The following CSMD1 variants were observed in gnomAD, a reference collection of about 807,000 sequenced individuals.
The protein encoded by CSMD1 is CUB and Sushi multiple domains 1.
CSMD1 carries 213 observed loss-of-function variants against 417.5 expected under a neutral mutation model. The ratio of observed to expected loss-of-function variants is 0.51; its 90% CI spans 0.46 to 0.57. The LOEUF (loss-of-function observed/expected upper bound fraction) is 0.57. Among genes scored for constraint, CSMD1 ranks in the 20% least tolerant of loss-of-function variants. CSMD1 has a pLI of 0.00. For missense variants in CSMD1, 6,923 were observed against 4,529.7 expected (o/e 1.53, Z -15.17); for synonymous variants, 2,862 against 1,736.8 (o/e 1.65, Z -16.11).
At chr8:4,366,473 TC>T (rs1802079385) in intron 3 of CSMD1, among the ~76,000 whole-genome samples, 1 of 152,204 alleles carries the variant, frequency 6.6e-6, no homozygotes, top group African/African-American at 2.4e-5. Context: ...TAAATAGTAG[TC>T]CTGTTTTAAG....
rs576135564 is a variant in CSMD1 at position 4,082,667 on chromosome 8, GGTTA to G, written c.416-50572_416-50569del. Among the ~76,000 whole-genome samples the G allele has an allele frequency of 3.4e-3, 519 of 151,864 alleles. 1 individual carries two copies. The highest frequency in any genetic ancestry group is 6.0e-3 in the Non-Finnish European group (407 of 67,928). On this transcript the variant is annotated intron_variant, in intron 3 of 69. Coordinates refer to ENST00000635120, the MANE Select transcript of CSMD1 (RefSeq NM_033225.6). ...TTAGGGTACATGTGCACAATGTGCA[GGTTA>G]GTTACATATGCATACATGTGCCATG...
intron 7 of CSMD1, among the ~76,000 whole-genome samples, chr8:3,671,598 T>C (rs1413816412): frequency 7.8e-6 from 1 of 128,640 alleles, no homozygotes; most frequent in African/African-American, 2.9e-5. Flanking sequence ...TATATATGAT[T>C]AGTTCTATCT....
intron 3 of CSMD1, among the ~76,000 whole-genome samples, chr8:4,113,308 CAT>C (rs1801956906): frequency 6.8e-6 from 1 of 147,828 alleles, no homozygotes; most frequent in Non-Finnish European, 1.5e-5. Context: ...GTGAGAAAGA[CAT>C]GTCAAAAAAA....
intron 2 of CSMD1, among the ~76,000 whole-genome samples, chr8:4,495,013 A>C (rs891614262): frequency 3.3e-5 from 5 of 152,110 alleles, no homozygotes; most frequent in African/African-American, 1.2e-4. Context: ...AAAATAAATA[A>C]AAGCAACAAG....
At chr8:4,826,328 T>C (rs1024808244) in intron 1 of CSMD1, among the ~76,000 whole-genome samples, 12 of 152,086 alleles carry the variant, frequency 7.9e-5, no homozygotes, top group Admixed American at 6.6e-5. Flanking sequence ...TGTGTATATA[T>C]ACATATAATA....
chr8:4,128,854 C>G (rs1802920435), intron 3 of CSMD1, among the ~76,000 whole-genome samples: 1 of 152,048 alleles, frequency 6.6e-6, no homozygotes, highest in African/African-American at 2.4e-5. Context: ...GTAAGTGTTA[C>G]AGGCTCTGTG....
chr8:4,609,722 A>T (rs1177618637), intron 2 of CSMD1, among the ~76,000 whole-genome samples: 2 of 152,202 alleles, frequency 1.3e-5, no homozygotes, highest in South Asian at 2.1e-4. Flanking sequence ...TTTAAACAAG[A>T]AAACAGAAAA....
chr8:4,467,491 G>A (rs550962919), intron 2 of CSMD1, among the ~76,000 whole-genome samples: 2 of 152,276 alleles, frequency 1.3e-5, no homozygotes, highest in African/African-American at 4.8e-5. Context: ...AGTGGCCAGA[G>A]GATAGAGTTC....
chr8:4,741,514 CA>C (rs1252317739), intron 1 of CSMD1, among the ~76,000 whole-genome samples: 1 of 152,056 alleles, frequency 6.6e-6, no homozygotes, highest in Non-Finnish European at 1.5e-5. Flanking sequence ...TAAGCATGAT[CA>C]AAACAAAAAT....
chr8:3,568,557 TTA>T (rs1373516741), intron 10 of CSMD1, among the ~76,000 whole-genome samples: 1 of 152,172 alleles, frequency 6.6e-6, no homozygotes, highest in Non-Finnish European at 1.5e-5. Flanking sequence ...GTAGCTGAAA[TTA>T]TGTCACCACA....
intron 1 of CSMD1, among the ~76,000 whole-genome samples, chr8:4,965,377 C>A (rs1162907083): frequency 6.6e-6 from 1 of 152,134 alleles, no homozygotes; most frequent in East Asian, 1.9e-4. Flanking sequence ...CACAAGGTCC[C>A]CCTATCTGAA....
chr8:3,714,848 C>G (rs913779975), intron 6 of CSMD1, among the ~76,000 whole-genome samples: 2 of 152,202 alleles, frequency 1.3e-5, no homozygotes, highest in Non-Finnish European at 2.9e-5. Flanking sequence ...CTTGAATTAT[C>G]TCAGAGCTTT....
intron 1 of CSMD1, among the ~76,000 whole-genome samples, chr8:4,980,392 A>G (rs1810821781): frequency 6.6e-6 from 1 of 152,186 alleles, no homozygotes; most frequent in Admixed American, 6.5e-5. Context: ...GCGGAGTGAG[A>G]TGGAGAGGCA....
intron 10 of CSMD1, among the ~76,000 whole-genome samples, chr8:3,501,372 T>G (rs557099708): frequency 6.6e-6 from 1 of 152,344 alleles, no homozygotes; most frequent in Non-Finnish European, 1.5e-5. Flanking sequence ...TGTTCTTCCG[T>G]AAACTACATT....
chr8:3,732,125 C>A (rs942915942), intron 6 of CSMD1, among the ~76,000 whole-genome samples: 1 of 152,158 alleles, frequency 6.6e-6, no homozygotes, highest in African/African-American at 2.4e-5. Flanking sequence ...GAGGAGAGGG[C>A]TCCTAGCGGA....
intron 6 of CSMD1, among the ~76,000 whole-genome samples, chr8:3,734,103 A>C (rs1361925184): frequency 6.6e-6 from 1 of 152,162 alleles, no homozygotes; most frequent in Non-Finnish European, 1.5e-5. Context: ...TTGAGTTCCA[A>C]TGTGCTAAAT....
At chr8:4,612,050 G>A (rs539876471) in intron 2 of CSMD1, among the ~76,000 whole-genome samples, 2 of 152,182 alleles carry the variant, frequency 1.3e-5, no homozygotes, top group Admixed American at 6.5e-5. Context: ...CATGGTTCCC[G>A]GCGTGTCCCT....
intron 7 of CSMD1, among the ~76,000 whole-genome samples, chr8:3,638,277 G>C (rs1193516982): frequency 6.6e-6 from 1 of 152,074 alleles, no homozygotes; most frequent in African/African-American, 2.4e-5. Flanking sequence ...TACACCATAA[G>C]CAATTTACAT....
intron 1 of CSMD1, among the ~76,000 whole-genome samples, chr8:4,732,533 A>T (rs2116963809): frequency 6.6e-6 from 1 of 152,224 alleles, no homozygotes; most frequent in South Asian, 2.1e-4. Flanking sequence ...CCAGTCTTGC[A>T]ATGCAATTGA....
Sources: allele counts gnomAD v4.1 joint callset (sites outside exome capture counted in the v4.1 genomes callset), GRCh38; gene constraint gnomAD v4.1.1; transcripts MANE v1.5; gene names NCBI Gene and HGNC (gene_info 2026-07-23, HGNC 2026-07-21).